The following ALDH8A1 variants were observed in gnomAD, a reference collection of about 807,000 sequenced individuals.
The protein encoded by ALDH8A1 is aldehyde dehydrogenase 8 family member A1, also known as 2-aminomuconic semialdehyde dehydrogenase.
In ALDH8A1, 39 loss-of-function variants were observed where a neutral mutation model predicts 43.3. That is an observed-to-expected ratio of 0.90 (90% CI 0.70 to 1.18). ALDH8A1 has a LOEUF of 1.18. Ranked by LOEUF, ALDH8A1 falls within the 50% of genes most tolerant of loss-of-function variation. The pLI is 0.00. For missense variants in ALDH8A1, 605 were observed against 622.6 expected (o/e 0.97, Z 0.30); for synonymous variants, 233 against 243.5 (o/e 0.96, Z 0.40).
At chr6:134,944,070 G>T in intron 1 of ALDH8A1, 104 bp from the exon 2 acceptor site, 1 of 1,388,040 alleles carries the variant, frequency 7.2e-7, no homozygotes. Flanking sequence ...TTTTTGTTTT[G>T]TTTTGTTTTG....
chr6:134,919,014 G>A (rs1173312211), intron 6 of ALDH8A1, 147 bp from the exon 7 acceptor site: 1 of 963,620 alleles, frequency 1.0e-6, no homozygotes, highest in African/African-American at 1.6e-5. Flanking sequence ...TCACTCAGCT[G>A]CTAAGCCAGA....
At chr6:134,937,296 C>T (rs758560409) in intron 4 of ALDH8A1, among the ~76,000 whole-genome samples, 5 of 152,318 alleles carry the variant, frequency 3.3e-5, no homozygotes, top group African/African-American at 4.8e-5. Context: ...GCTTTTCCCT[C>T]CCCTACTAAA....
intron 3 of ALDH8A1, among the ~76,000 whole-genome samples, chr6:134,939,765 A>G (rs1258534620): frequency 6.6e-6 from 1 of 152,230 alleles, no homozygotes; most frequent in East Asian, 1.9e-4. Flanking sequence ...ATGCACGCGT[A>G]TGTTCATTGC....
chr6:134,943,792 A>G, intron 2 of ALDH8A1, 27 bp downstream of exon 2: 1 of 1,611,224 alleles, frequency 6.2e-7, no homozygotes, highest in Non-Finnish European at 8.5e-7. Context: ...CCTGAGTCCC[A>G]TGTTACAGTT....
chr6:134,929,347 G>T, intron 5 of ALDH8A1, 132 bp from the exon 6 acceptor site: 1 of 846,326 alleles, frequency 1.2e-6, no homozygotes, highest in Non-Finnish European at 1.7e-6. Context: ...ATAAGACAAA[G>T]TTCCCACCAT....
intron 6 of ALDH8A1, among the ~76,000 whole-genome samples, chr6:134,923,190 C>T (rs1369954481): frequency 6.6e-6 from 1 of 151,938 alleles, no homozygotes; most frequent in African/African-American, 2.4e-5. Flanking sequence ...CCACGCCTGG[C>T]TAAATTTTTT....
chr6:134,928,698 G>A (rs1776927014), intron 6 of ALDH8A1, among the ~76,000 whole-genome samples: 1 of 152,218 alleles, frequency 6.6e-6, no homozygotes, highest in African/African-American at 2.4e-5. Context: ...TAAACCAGAG[G>A]CAGGCCTTTT....
At chr6:134,926,638 G>A (rs560521293) in intron 6 of ALDH8A1, among the ~76,000 whole-genome samples, 4 of 152,110 alleles carry the variant, frequency 2.6e-5, no homozygotes, top group African/African-American at 7.2e-5. Context: ...GTGAAACCCC[G>A]TCTCTACTAA....
chr6:134,922,423 T>C (rs1776818698), intron 6 of ALDH8A1, among the ~76,000 whole-genome samples: 2 of 152,192 alleles, frequency 1.3e-5, no homozygotes, highest in African/African-American at 4.8e-5. Flanking sequence ...AGTCTCACTC[T>C]GTCACCCAGG....
chr6:134,947,237 A>G (rs1027491777), intron 1 of ALDH8A1, among the ~76,000 whole-genome samples: 3 of 152,218 alleles, frequency 2.0e-5, no homozygotes, highest in African/African-American at 7.2e-5. Context: ...CAGATTAAAG[A>G]CTTAGATAGA....
At chr6:134,925,548 T>C (rs2114681368) in intron 6 of ALDH8A1, among the ~76,000 whole-genome samples, 1 of 152,322 alleles carries the variant, frequency 6.6e-6, no homozygotes, top group African/African-American at 2.4e-5. Context: ...GGAGGATATA[T>C]TGTAACTGGA....
intron 6 of ALDH8A1, among the ~76,000 whole-genome samples, chr6:134,924,380 C>T (rs1776852522): frequency 6.6e-6 from 1 of 152,212 alleles, no homozygotes; most frequent in Admixed American, 6.5e-5. Flanking sequence ...ACTATTTCTA[C>T]AAGGATGTTT....
At position 134,930,201 on chromosome 6, in the gene ALDH8A1, T is replaced by G. The variant is rs79290860; in HGVS notation, c.850-986A>C. On this transcript the variant is annotated intron_variant, in intron 5 of 6. Coordinates refer to ENST00000265605, the MANE Select transcript of ALDH8A1 (RefSeq NM_022568.4). ...GTAGGCCGCAGAGTGGATGGTGGTG[T>G]TGTTCCCTGGAAGGGCAGACACGAG... 8.9e-4 allele frequency among the ~76,000 whole-genome samples: 136 copies of G among 152,198 alleles called. 7 individuals carry two copies. The East Asian group carries it at 0.023, about 26-fold the overall frequency.
In ALDH8A1 at chr6:134,939,281, G is replaced by C. The variant is rs1334762795; in HGVS notation, c.577C>G (p.Leu193Val). The part of the protein sequence containing the change: ...TSVTAWMLCK[L>V]LDKAGVPPGV... ...ACCTAATTACCTGCTTTATCCAGGA[G>C]TTTGCACAACATCCACGCAGTCACT... Residue 193 changes from leucine (L) to valine (V), a missense_variant, in exon 4 of 7, where the codon CTC becomes GTC. Transcript: ENST00000265605. 6.2e-7 allele frequency: 1 copy of C among 1,614,190 alleles called. No homozygotes were observed.
chr6:134,928,889 T>A (rs1776929882), intron 6 of ALDH8A1, among the ~76,000 whole-genome samples, 165 bp downstream of exon 6: 1 of 152,222 alleles, frequency 6.6e-6, no homozygotes, highest in Non-Finnish European at 1.5e-5. Context: ...CATATTCATA[T>A]CCACAATGTT....
chr6:134,931,388 C>T (rs1201867949), intron 5 of ALDH8A1, among the ~76,000 whole-genome samples: 4 of 152,134 alleles, frequency 2.6e-5, no homozygotes, highest in East Asian at 1.9e-4. Context: ...CTCAGCCTCC[C>T]GAGTAGCTGA....
chr6:134,943,470 G>A lies in ALDH8A1; in HGVS notation c.286+349C>T, dbSNP rs149670433. 6.0e-4 allele frequency among the ~76,000 whole-genome samples: 91 copies of A among 152,316 alleles called. 1 individual carries two copies. Among genetic ancestry groups the A allele is most frequent in the African/African-American group, 2.0e-3 (85 of 41,570 alleles). On this transcript the variant is annotated intron_variant, in intron 2 of 6. Transcript: ENST00000265605. The stretch of plus-strand genomic sequence containing the variant: ...TCTTTGCTTTGAAATTCTCTGCTTA[G>A]AATGAGTAGGAGACTGCATGATCAG...
At chr6:134,949,480 C>T (rs1774006237) in intron 1 of ALDH8A1, among the ~76,000 whole-genome samples, 1 of 152,098 alleles carries the variant, frequency 6.6e-6, no homozygotes, top group Admixed American at 6.5e-5. Flanking sequence ...CAATCTAAAA[C>T]AAAGCCCACA....
At chr6:134,938,243 C>G (rs1773784296) in intron 4 of ALDH8A1, among the ~76,000 whole-genome samples, 1 of 152,144 alleles carries the variant, frequency 6.6e-6, no homozygotes, top group Non-Finnish European at 1.5e-5. Flanking sequence ...GGTGACATAG[C>G]AAAAAGACCT....
Sources: gnomAD v4.1 joint callset for allele counts (sites outside exome capture counted in the v4.1 genomes callset) on GRCh38, gnomAD v4.1.1 for gene constraint, MANE v1.5 for transcripts, NCBI Gene and HGNC (gene_info 2026-07-23, HGNC 2026-07-21) for gene names.